Variants in HHIPL1 observed in about 807,000 individuals in gnomAD.
The protein encoded by HHIPL1 is HHIP-like protein 1.
In HHIPL1, 43 loss-of-function variants were observed where a neutral mutation model predicts 61.8. The ratio of observed to expected loss-of-function variants is 0.70; its 90% CI spans 0.55 to 0.90. The LOEUF (loss-of-function observed/expected upper bound fraction) is 0.90. Ranked by LOEUF, HHIPL1 falls within the 40% of genes least tolerant of loss-of-function variation. The pLI is 0.00. For synonymous variants in HHIPL1, 482 were observed against 515.8 expected, an observed-to-expected ratio of 0.93 and a Z score of 0.89; for missense variants, 1,056 against 1,157.7, an observed-to-expected ratio of 0.91 and a Z score of 1.28.
the HHIPL1 span, among the ~76,000 whole-genome samples, chr14:99,625,975 GAA>G: frequency 3.9e-5 from 6 of 152,190 alleles, no homozygotes; most frequent in Non-Finnish European, 8.8e-5. Context: ...TTGTGAGGAT[GAA>G]GTGAGCTAGC....
At chr14:99,658,044 C>T (rs2056081251) in intron 3 of HHIPL1, among the ~76,000 whole-genome samples, 2 of 152,100 alleles carry the variant, frequency 1.3e-5, no homozygotes, top group South Asian at 4.1e-4. Flanking sequence ...ATTCCCTTAG[C>T]CAAAATGGTA....
chr14:99,613,003 C>G, the HHIPL1 span, among the ~76,000 whole-genome samples: 1 of 152,180 alleles, frequency 6.6e-6, no homozygotes, highest in Admixed American at 6.5e-5. Flanking sequence ...GAATGAAAGT[C>G]GCAAAGACCT....
chr14:99,607,602 T>TG, the HHIPL1 span, among the ~76,000 whole-genome samples: 10 of 151,848 alleles, frequency 6.6e-5, no homozygotes, highest in African/African-American at 2.2e-4. Context: ...CTAGGGCCTG[T>TG]GGGGGGAGTA....
chr14:99,613,279 T>TA, the HHIPL1 span, among the ~76,000 whole-genome samples: 1 of 151,960 alleles, frequency 6.6e-6, no homozygotes, highest in Non-Finnish European at 1.5e-5. Flanking sequence ...TTTTTTTTTT[T>TA]AATAAGCCTT....
chr14:99,657,596 C>G (rs2056069791), intron 3 of HHIPL1, among the ~76,000 whole-genome samples: 1 of 152,176 alleles, frequency 6.6e-6, no homozygotes, highest in Non-Finnish European at 1.5e-5. Flanking sequence ...CAGGGTCCCT[C>G]AGGAAGACCC....
Position 99,659,522 on chromosome 14 carries a change from G to T in HHIPL1, c.1141G>T (p.Asp381Tyr), listed in dbSNP as rs1317953334. 1.9e-6 allele frequency: 3 copies of T among 1,542,390 alleles called. No individual in the cohort carries two copies. The highest frequency in any genetic ancestry group is 2.8e-5 in the African/African-American group (2 of 72,138). ...CCCGCCCGACAACCCGTTCGTGGGC[G>T]ACCCCGCGGCGCAGCCCGAGGTCTA... ...GIPPDNPFVGDPAAQPEVYAL... is the reference protein window; with the variant it reads ...GIPPDNPFVGYPAAQPEVYAL... The change falls in exon 4 of 9, where the codon GAC (aspartate) becomes TAC (tyrosine). Residue 381 changes from aspartate to tyrosine, a missense_variant. Coordinates refer to ENST00000330710, the MANE Select transcript of HHIPL1 (RefSeq NM_001127258.3).
At chr14:99,604,945 C>A in the HHIPL1 span, among the ~76,000 whole-genome samples, 1 of 152,206 alleles carries the variant, frequency 6.6e-6, no homozygotes, top group Non-Finnish European at 1.5e-5. Flanking sequence ...GAGCACGCGG[C>A]GGGGCTGCGT....
upstream of HHIPL1, among the ~76,000 whole-genome samples, chr14:99,641,719 G>T (rs1349885517): frequency 2.0e-5 from 3 of 151,788 alleles, no homozygotes; most frequent in African/African-American, 7.3e-5. Flanking sequence ...CGGCCTGCTT[G>T]CCTGGTTTCT....
Position 99,645,196 on chromosome 14 carries a change from C to G in HHIPL1, c.-12C>G. Reference sequence around the variant, plus strand: ...TGCCGTCCCTCCGCCTCTTCCCCCGCGGGGCGTAGCGATGGCCCGGGCCAG... The same window carrying G: ...TGCCGTCCCTCCGCCTCTTCCCCCGGGGGGCGTAGCGATGGCCCGGGCCAG... On this transcript the variant is annotated 5_prime_UTR_variant, in exon 1 of 9. Transcript: ENST00000330710. 1 of 1,276,320 alleles carries G rather than the reference C, an allele frequency of 7.8e-7. No individual in the cohort carries two copies. The highest frequency in any genetic ancestry group is 9.9e-7 in the Non-Finnish European group (1 of 1,012,046). The allele number at this position is 1,276,320 out of a possible 1,614,324, so 79.1% of individuals were successfully genotyped here.
the HHIPL1 span, among the ~76,000 whole-genome samples, chr14:99,631,301 C>G: frequency 6.6e-6 from 1 of 151,876 alleles, no homozygotes; most frequent in African/African-American, 2.4e-5. Context: ...GAACTCCTGA[C>G]CTCAGGTAAT....
rs531247370 is a variant in HHIPL1 at position 99,675,958 on chromosome 14, G to A, written c.*332G>A. 1 of 305,134 alleles carries A rather than the reference G, an allele frequency of 3.3e-6. No individual in the cohort carries two copies. Among genetic ancestry groups the A allele is most frequent in the South Asian group, 1.1e-4 (1 of 8,774 alleles). 18.9% of individuals were successfully genotyped at this position (305,134 alleles called of 1,614,324 possible). On this transcript the variant is annotated 3_prime_UTR_variant, in exon 9 of 9. Coordinates refer to ENST00000330710, the MANE Select transcript of HHIPL1 (RefSeq NM_001127258.3). This position sits in a 1 kb window ranked among gnomAD's most constrained non-coding sequence, Gnocchi z 5.4. ...AGGAGGGAGGGCAGCCAGGCTTCGA[G>A]GACGGACATGGCCCCTGGCTGTGCT...
At chr14:99,670,272 T>A (rs9324012) in intron 7 of HHIPL1, among the ~76,000 whole-genome samples, 1 of 152,050 alleles carries the variant, frequency 6.6e-6, no homozygotes, top group Non-Finnish European at 1.5e-5. Context: ...CCACCATGCC[T>A]GGCTAATTTT....
chr14:99,660,546 C>T lies in HHIPL1; in HGVS notation c.1502+140C>T. The T allele has an allele frequency of 3.0e-6, 3 of 1,009,746 alleles. No homozygotes were observed. Among genetic ancestry groups the T allele is most frequent in the Non-Finnish European group, 2.9e-6 (2 of 681,308 alleles). 62.5% of individuals were successfully genotyped at this position (1,009,746 alleles called of 1,614,324 possible). ...TCTGACAGGGGCCCCTAGGTGTGGG[C>T]CGGACACCCGCATCCACCCGCTTTT... On this transcript the variant is annotated intron_variant, in intron 5 of 8. Transcript: ENST00000330710. This position sits in a 1 kb window ranked among gnomAD's most constrained non-coding sequence, Gnocchi z 4.9.
the HHIPL1 span, among the ~76,000 whole-genome samples, chr14:99,605,550 G>T: frequency 6.6e-5 from 10 of 152,362 alleles, no homozygotes; most frequent in African/African-American, 2.4e-4. Context: ...TCGCCGCGGG[G>T]CCTGCTCCAG....
chr14:99,640,577 G>A (rs1210822716), upstream of HHIPL1, among the ~76,000 whole-genome samples: 1 of 152,132 alleles, frequency 6.6e-6, no homozygotes, highest in Non-Finnish European at 1.5e-5. Flanking sequence ...GAGCCACTGT[G>A]CCCAGCTGGG....
chr14:99,622,453 C>T, the HHIPL1 span, among the ~76,000 whole-genome samples: 2 of 152,254 alleles, frequency 1.3e-5, no homozygotes, highest in African/African-American at 2.4e-5. Flanking sequence ...TGCTCCCCGA[C>T]AACTGTCATC....
rs1188861050 is a variant in HHIPL1 at position 99,659,490 on chromosome 14, A to G, written c.1109A>G (p.Tyr370Cys). The change falls in exon 4 of 9, where the codon TAC (tyrosine) becomes TGC (cysteine). Residue 370 changes from tyrosine to cysteine, a missense_variant. Coordinates refer to ENST00000330710, the MANE Select transcript of HHIPL1 (RefSeq NM_001127258.3). ...GACCGTAAGGAGCGCGGCCTGCCCT[A>G]CGGCATCCCGCCCGACAACCCGTTC... Reference protein sequence around the residue: ...DVDRKERGLPYGIPPDNPFVG... With the variant: ...DVDRKERGLPCGIPPDNPFVG... 2.0e-6 allele frequency: 3 copies of G among 1,538,440 alleles called. No homozygotes were observed. The highest frequency in any genetic ancestry group is 1.2e-5 in the South Asian group (1 of 83,360).
Position 99,668,277 on chromosome 14 carries a change from T to C in HHIPL1, c.1704T>C (p.Val568=), listed in dbSNP as rs1340741362. The change falls in exon 7 of 9, where the codon GTT becomes GTC. Residue 568 remains valine (V), a synonymous_variant. Transcript: ENST00000330710. This position sits in a 1 kb window ranked among gnomAD's most constrained non-coding sequence, Gnocchi z 4.7. ...GEPSATAPRG[V]VYKIIDASRR... ...CGAGTGCCACAGCTCCACGCGGAGT[T>C]GTCTACAAAATAATTGACGCATCCA... 6.2e-7 allele frequency: 1 copy of C among 1,612,222 alleles called. No individual in the cohort carries two copies. Among genetic ancestry groups the C allele is most frequent in the South Asian group, 1.1e-5 (1 of 91,042 alleles).
At chr14:99,617,421 T>C in the HHIPL1 span, among the ~76,000 whole-genome samples, 1 of 152,030 alleles carries the variant, frequency 6.6e-6, no homozygotes, top group East Asian at 1.9e-4. Context: ...ATGTCTAGAA[T>C]TGAAAAATCA....
Sources: gnomAD v4.1 joint callset for allele counts (sites outside exome capture counted in the v4.1 genomes callset) on GRCh38, gnomAD v4.1.1 for gene constraint, Gnocchi (gnomAD v3.1) non-coding constraint, MANE v1.5 for transcripts, NCBI Gene and HGNC (gene_info 2026-07-23, HGNC 2026-07-21) for gene names.